EXOC6B: variants seen among roughly 807,000 people sequenced by gnomAD.
EXOC6B encodes the protein SEC15 homolog B.
In EXOC6B, 54 loss-of-function variants were observed where a neutral mutation model predicts 113.5. The observed-to-expected ratio is 0.48, with a 90% CI of 0.38 to 0.60. The LOEUF (loss-of-function observed/expected upper bound fraction) is 0.60. Among genes scored for constraint, EXOC6B ranks in the 20% least tolerant of loss-of-function variants. EXOC6B has a pLI of 0.00. For missense variants in EXOC6B, 797 were observed against 977.5 expected (o/e 0.82, Z 2.46); for synonymous variants, 357 against 339.0 (o/e 1.05, Z -0.58).
intron 8 of EXOC6B, among the ~76,000 whole-genome samples, chr2:72,556,570 T>A (rs1308648348): frequency 1.3e-5 from 2 of 152,188 alleles, no homozygotes; most frequent in African/African-American, 4.8e-5. Flanking sequence ...GGAGCTTCTG[T>A]TGAAAAACAA....
intron 1 of EXOC6B, among the ~76,000 whole-genome samples, chr2:72,772,327 C>A (rs898855474): frequency 6.6e-6 from 1 of 152,122 alleles, no homozygotes; most frequent in Non-Finnish European, 1.5e-5. Context: ...CCCTGCAGGA[C>A]CAGGCTTAAG....
At chr2:72,707,419 CT>C (rs1299173430) in intron 6 of EXOC6B, among the ~76,000 whole-genome samples, 117 of 143,322 alleles carry the variant, frequency 8.2e-4, no homozygotes, top group South Asian at 1.8e-3. Context: ...TTTTTCTTTT[CT>C]TTTTTTTTTT....
At chr2:72,279,770 T>C (rs1246265645) in intron 20 of EXOC6B, among the ~76,000 whole-genome samples, 1 of 151,938 alleles carries the variant, frequency 6.6e-6, no homozygotes, top group Non-Finnish European at 1.5e-5. Flanking sequence ...TGCACAACCA[T>C]ACCCAGCTAA....
At chr2:72,766,002 C>T (rs1318527773) in intron 1 of EXOC6B, among the ~76,000 whole-genome samples, 1 of 152,190 alleles carries the variant, frequency 6.6e-6, no homozygotes, top group Admixed American at 6.5e-5. Flanking sequence ...TTTCTCAACA[C>T]ATTTGCTGAA....
intron 20 of EXOC6B, among the ~76,000 whole-genome samples, chr2:72,329,365 G>A (rs1217609710): frequency 6.6e-6 from 1 of 152,156 alleles, no homozygotes; most frequent in South Asian, 2.1e-4. Context: ...ATATGGGCCT[G>A]CCCCACCCCA....
chr2:72,609,924 A>G (rs145394126), intron 6 of EXOC6B, among the ~76,000 whole-genome samples: 1 of 152,154 alleles, frequency 6.6e-6, no homozygotes. Context: ...TACAACTAAC[A>G]TCAGAAACAA....
At chr2:72,383,247 G>C (rs1405965432) in intron 18 of EXOC6B, among the ~76,000 whole-genome samples, 1 of 152,046 alleles carries the variant, frequency 6.6e-6, no homozygotes, top group Non-Finnish European at 1.5e-5. Flanking sequence ...CTATGCATCT[G>C]GCAAAGGTCT....
At chr2:72,771,214 A>C (rs1349532434) in intron 1 of EXOC6B, among the ~76,000 whole-genome samples, 2 of 152,226 alleles carry the variant, frequency 1.3e-5, no homozygotes, top group Non-Finnish European at 2.9e-5. Context: ...AATTGCTTCT[A>C]AGATATTCAT....
intron 20 of EXOC6B, among the ~76,000 whole-genome samples, chr2:72,222,630 G>A (rs1680949315): frequency 6.6e-6 from 1 of 152,118 alleles, no homozygotes; most frequent in Middle Eastern, 3.4e-3. Context: ...GTGTCCTTAT[G>A]GGGTACAAGT....
chr2:72,298,045 T>C (rs989785718), intron 20 of EXOC6B, among the ~76,000 whole-genome samples: 5 of 152,212 alleles, frequency 3.3e-5, no homozygotes, highest in Non-Finnish European at 7.3e-5. Context: ...AATATCCTTG[T>C]TAATTTTCTG....
chr2:72,446,730 T>C (rs193179615), intron 18 of EXOC6B, among the ~76,000 whole-genome samples: 2 of 152,258 alleles, frequency 1.3e-5, no homozygotes, highest in Admixed American at 1.3e-4. Context: ...TGACACAAGT[T>C]TACCTACATA....
At chr2:72,402,266 G>A (rs1344218120) in intron 18 of EXOC6B, among the ~76,000 whole-genome samples, 2 of 151,830 alleles carry the variant, frequency 1.3e-5, no homozygotes, top group African/African-American at 4.8e-5. Context: ...ATTTCATCTA[G>A]GTTATCTTTA....
At chr2:72,807,506 T>G (rs1053318606) in intron 1 of EXOC6B, among the ~76,000 whole-genome samples, 2 of 152,166 alleles carry the variant, frequency 1.3e-5, no homozygotes, top group African/African-American at 4.8e-5. Context: ...CTATTCAGGC[T>G]CCTTTTTGGT....
At chr2:72,714,262 G>T (rs754011390) in intron 6 of EXOC6B, among the ~76,000 whole-genome samples, 4 of 152,190 alleles carry the variant, frequency 2.6e-5, no homozygotes, top group Admixed American at 6.5e-5. Context: ...AAAGACATGG[G>T]TTTAGTGGTC....
At chr2:72,531,037 T>C (rs1242212122) in intron 8 of EXOC6B, among the ~76,000 whole-genome samples, 1 of 152,178 alleles carries the variant, frequency 6.6e-6, no homozygotes, top group Non-Finnish European at 1.5e-5. Flanking sequence ...TTTTTATTGA[T>C]ATATTTAGAT....
At chr2:72,488,646 C>T (rs1573237923) in intron 16 of EXOC6B, among the ~76,000 whole-genome samples, 1 of 152,074 alleles carries the variant, frequency 6.6e-6, no homozygotes. Flanking sequence ...TTACTTTCAA[C>T]TCTTCACTTT....
At chr2:72,626,655 T>C (rs1355197997) in intron 6 of EXOC6B, among the ~76,000 whole-genome samples, 3 of 152,150 alleles carry the variant, frequency 2.0e-5, no homozygotes, top group Non-Finnish European at 4.4e-5. Context: ...TCTTCTCAAG[T>C]AGATAATAAC....
chr2:72,374,122 GA>G, intron 19 of EXOC6B, among the ~76,000 whole-genome samples: 1 of 152,102 alleles, frequency 6.6e-6, no homozygotes, highest in East Asian at 1.9e-4. Flanking sequence ...GGAAGTTCCT[GA>G]AAAAAGTAAA....
At chr2:72,508,163 C>CAAA (rs67586747) in intron 11 of EXOC6B, among the ~76,000 whole-genome samples, 24 of 57,508 alleles carry the variant, frequency 4.2e-4, no homozygotes, top group African/African-American at 1.7e-3. Context: ...ATATTACCCG[C>CAAA]AAAAAAAAAA....
Sources: gnomAD v4.1 joint callset for allele counts (sites outside exome capture counted in the v4.1 genomes callset) on GRCh38, gnomAD v4.1.1 for gene constraint, MANE v1.5 for transcripts, NCBI Gene and HGNC (gene_info 2026-07-23, HGNC 2026-07-21) for gene names.